AHI1: variants seen among roughly 807,000 people sequenced by gnomAD.
The protein encoded by AHI1 is Abelson helper integration site 1.
Under a neutral mutation model 149.3 loss-of-function variants are expected in AHI1, and 123 were observed. The observed-to-expected ratio is 0.82, with a 90% CI of 0.71 to 0.96. The LOEUF is 0.96. AHI1 is among the 40% of genes least tolerant of loss of function. The pLI is 0.00. For missense variants in AHI1, 1,439 were observed against 1,422.7 expected, an observed-to-expected ratio of 1.01 and a Z score of -0.18; for synonymous variants, 475 against 459.8, an observed-to-expected ratio of 1.03 and a Z score of -0.42.
At chr6:135,494,609 AAAC>A (rs758232709) in intron 3 of AHI1, among the ~76,000 whole-genome samples, 15 of 152,350 alleles carry the variant, frequency 9.8e-5, no homozygotes, top group Admixed American at 1.3e-4. Context: ...AGCCCTTCAA[AAAC>A]AACAACTGTT....
At chr6:135,301,413 CTT>C (rs894400137) in intron 26 of AHI1, 2 of 984,972 alleles carry the variant, frequency 2.0e-6, no homozygotes, top group African/African-American at 3.5e-5. Flanking sequence ...ACAACCTTCT[CTT>C]TCAGTCTTGT....
intron 8 of AHI1, among the ~76,000 whole-genome samples, chr6:135,461,287 C>T (rs548453686): frequency 6.6e-6 from 1 of 151,902 alleles, no homozygotes; most frequent in African/African-American, 2.4e-5. Flanking sequence ...ATGTCAAAAT[C>T]TAAGTAGTTA....
chr6:135,470,096 T>C (rs1343910087), intron 5 of AHI1, among the ~76,000 whole-genome samples: 2 of 151,940 alleles, frequency 1.3e-5, no homozygotes, highest in African/African-American at 4.8e-5. Context: ...CCAGAATCTA[T>C]AAGGAACTTA....
intron 23 of AHI1, among the ~76,000 whole-genome samples, chr6:135,387,395 C>T (rs927293381): frequency 1.3e-5 from 2 of 152,118 alleles, no homozygotes; most frequent in African/African-American, 4.8e-5. Context: ...AACCCATGCC[C>T]TGTAGATTTT....
chr6:135,461,263 G>C (rs1789838061), intron 8 of AHI1, among the ~76,000 whole-genome samples: 1 of 151,874 alleles, frequency 6.6e-6, no homozygotes. Flanking sequence ...CAGACAACTT[G>C]AATATATTTA....
intron 5 of AHI1, among the ~76,000 whole-genome samples, chr6:135,489,463 CAG>C (rs1162418676): frequency 6.6e-6 from 1 of 152,158 alleles, no homozygotes; most frequent in Non-Finnish European, 1.5e-5. Context: ...AACATCTCTG[CAG>C]ACAACTGTTT....
chr6:135,472,142 T>C (rs980909853), intron 5 of AHI1, among the ~76,000 whole-genome samples: 1 of 145,982 alleles, frequency 6.9e-6, no homozygotes, highest in Non-Finnish European at 1.5e-5. Context: ...ACCACCATAA[T>C]CATGACATTG....
intron 9 of AHI1, 63 bp from the exon 10 acceptor site, chr6:135,455,989 T>A: frequency 8.4e-7 from 1 of 1,188,414 alleles, no homozygotes; most frequent in Non-Finnish European, 1.1e-6. Flanking sequence ...GAAAAAAATA[T>A]ATAGTGTACA....
intron 5 of AHI1, among the ~76,000 whole-genome samples, chr6:135,472,018 C>CAAAAAAAAAAAAAAAAAAAAAAAA (rs541390652): frequency 5.5e-5 from 3 of 54,416 alleles, no homozygotes; most frequent in African/African-American, 7.7e-5. Flanking sequence ...GACTCCGTCT[C>CAAAAAAAAAAAAAAAAAAAAAAAA]AAAAAAAAAA....
At chr6:135,376,531 AG>A (rs1424748713) in intron 23 of AHI1, among the ~76,000 whole-genome samples, 2 of 152,178 alleles carry the variant, frequency 1.3e-5, no homozygotes, top group Non-Finnish European at 1.5e-5. Flanking sequence ...TTGCCAAAAA[AG>A]TTTAGCCTGA....
intron 24 of AHI1, among the ~76,000 whole-genome samples, chr6:135,330,453 T>G (rs758675386): frequency 9.9e-5 from 15 of 152,216 alleles, no homozygotes; most frequent in African/African-American, 3.6e-4. Flanking sequence ...CACTAACGTA[T>G]GTACACTGAT....
intron 20 of AHI1, among the ~76,000 whole-genome samples, 165 bp downstream of exon 20, chr6:135,427,002 A>G (rs1783998789): frequency 6.6e-6 from 1 of 151,700 alleles, no homozygotes; most frequent in South Asian, 2.1e-4. Flanking sequence ...TATTTACTTA[A>G]ATTGATTTAC....
chr6:135,482,388 T>C (rs1562276857), intron 5 of AHI1, among the ~76,000 whole-genome samples: 1 of 152,126 alleles, frequency 6.6e-6, no homozygotes, highest in African/African-American at 2.4e-5. Flanking sequence ...TTACTAATGG[T>C]TTAACAACCA....
chr6:135,419,013 G>A (rs1228643672), intron 20 of AHI1, among the ~76,000 whole-genome samples: 3 of 150,994 alleles, frequency 2.0e-5, no homozygotes, highest in African/African-American at 7.3e-5. Flanking sequence ...GAGATACTGA[G>A]GTGATGGATC....
chr6:135,458,477 T>C (rs1372676960), intron 8 of AHI1, among the ~76,000 whole-genome samples: 2 of 152,120 alleles, frequency 1.3e-5, no homozygotes, highest in Non-Finnish European at 1.5e-5. Context: ...AGGCTTGTGG[T>C]GCTAGCAGAC....
At chr6:135,400,750 A>G (rs1424368214) in intron 22 of AHI1, among the ~76,000 whole-genome samples, 3 of 152,218 alleles carry the variant, frequency 2.0e-5, no homozygotes, top group South Asian at 4.1e-4. Flanking sequence ...TGTTCACCTT[A>G]TCTTTTGAAA....
At chr6:135,377,538 C>T (rs184994600) in intron 23 of AHI1, among the ~76,000 whole-genome samples, 218 of 151,778 alleles carry the variant, frequency 1.4e-3, no homozygotes, top group African/African-American at 4.7e-3. Context: ...TGGAGTGCAG[C>T]GGCATAATCA....
intron 20 of AHI1, among the ~76,000 whole-genome samples, chr6:135,422,647 GT>G (rs1783359984): frequency 6.6e-6 from 1 of 151,378 alleles, no homozygotes; most frequent in Non-Finnish European, 1.5e-5. Context: ...ATGTATGTAT[GT>G]ATGTATGTAT....
chr6:135,457,958 A>T (rs776410888), intron 8 of AHI1, among the ~76,000 whole-genome samples: 1 of 152,198 alleles, frequency 6.6e-6, no homozygotes, highest in Non-Finnish European at 1.5e-5. Flanking sequence ...GAGAAACACA[A>T]AAAGAAAAAA....
Sources: allele counts gnomAD v4.1 joint callset (sites outside exome capture counted in the v4.1 genomes callset), GRCh38; gene constraint gnomAD v4.1.1; transcripts MANE v1.5; gene names NCBI Gene and HGNC (gene_info 2026-07-23, HGNC 2026-07-21).